TATDN2: variants seen among roughly 807,000 people sequenced by gnomAD.
TATDN2 encodes 3'-5' RNA nuclease TATDN2.
TATDN2 carries 44 observed loss-of-function variants against 60.3 expected under a neutral mutation model. The ratio of observed to expected loss-of-function variants is 0.73; its 90% CI spans 0.57 to 0.94. TATDN2 has a LOEUF of 0.94. Among genes scored for constraint, TATDN2 ranks in the 40% least tolerant of loss-of-function variants. The probability of loss-of-function intolerance (pLI) is 0.00; values close to 1 mark genes in which losing one functional copy is unlikely to be tolerated. For missense variants in TATDN2, 997 were observed against 948.0 expected (o/e 1.05, Z -0.68); for synonymous variants, 399 against 355.8 (o/e 1.12, Z -1.37).
At position 10,270,768 on chromosome 3, in the gene TATDN2, A is replaced by G; in HGVS notation, c.1586A>G (p.Glu529Gly). Residue 529 changes from glutamate to glycine, a missense_variant, in exon 4 of 8, where the codon GAA becomes GGA. By Grantham distance (98) the Glu-to-Gly change is moderately conservative. Transcript: ENST00000448281. ...ATTTACAGCAGCTCCTTCCCTAAGGAATTTCAGGGCTGCATCTCTGACTTC... is the reference window on the plus strand; with the variant it reads ...ATTTACAGCAGCTCCTTCCCTAAGGGATTTCAGGGCTGCATCTCTGACTTC... ...RKIYSSSFPK[E>G]FQGCISDFCD... 6.2e-7 allele frequency: 1 copy of G among 1,614,190 alleles called. No individual in the cohort carries two copies. The highest frequency in any genetic ancestry group is 1.1e-5 in the South Asian group (1 of 91,074).
intron 3 of TATDN2, among the ~76,000 whole-genome samples, chr3:10,266,578 T>G (rs1698477067): frequency 6.6e-6 from 1 of 152,228 alleles, no homozygotes; most frequent in Non-Finnish European, 1.5e-5. Flanking sequence ...ATGTTACCAC[T>G]TGTAAAAAGC....
chr3:10,266,929 G>GTTTTTTTTTT (rs1559462593), intron 3 of TATDN2, among the ~76,000 whole-genome samples: 26 of 100,340 alleles, frequency 2.6e-4, no homozygotes, highest in South Asian at 4.9e-4. Context: ...AACTAAGGCA[G>GTTTTTTTTTT]TCTTTTTTTT....
intron 4 of TATDN2, among the ~76,000 whole-genome samples, chr3:10,275,749 AAAAC>A (rs1455124749): frequency 9.7e-6 from 1 of 103,246 alleles, no homozygotes; most frequent in Non-Finnish European, 2.5e-5. Context: ...CGGTCTCAAA[AAAAC>A]AAAACAAAAC....
In TATDN2 at chr3:10,249,360, C is replaced by T. The variant is rs747572722; in HGVS notation, c.160C>T (p.Arg54Cys). The T allele has an allele frequency of 1.2e-6, 2 of 1,612,608 alleles. No individual in the cohort carries two copies. Among genetic ancestry groups the T allele is most frequent in the South Asian group, 2.2e-5 (2 of 90,912 alleles). The change falls in exon 2 of 8, where the codon CGC becomes TGC. Residue 54 changes from arginine (R) to cysteine (C), a missense_variant. By Grantham distance (180) the Arg-to-Cys change is radical. Transcript: ENST00000448281. ...SRSGGPSSPKRLKAQKEDDVA... is the reference protein window; with the variant it reads ...SRSGGPSSPKCLKAQKEDDVA... Reference sequence around the variant, plus strand: ...TTCTGGAGGGCCCAGCAGCCCCAAGCGCCTGAAAGCCCAGAAGGAGGACGA... The same window carrying T: ...TTCTGGAGGGCCCAGCAGCCCCAAGTGCCTGAAAGCCCAGAAGGAGGACGA...
chr3:10,277,771 T>C (rs1426960903), intron 5 of TATDN2, among the ~76,000 whole-genome samples: 1 of 152,140 alleles, frequency 6.6e-6, no homozygotes, highest in African/African-American at 2.4e-5. Flanking sequence ...AACGAGGTGG[T>C]ATTGCAGGAG....
At chr3:10,251,624 G>A (rs897007431) in intron 2 of TATDN2, among the ~76,000 whole-genome samples, 12 of 151,950 alleles carry the variant, frequency 7.9e-5, no homozygotes, top group Admixed American at 1.3e-4. Flanking sequence ...GACTGCAAGT[G>A]ATCTGACCGC....
chr3:10,270,915 A>G lies in TATDN2; in HGVS notation c.1733A>G (p.Asn578Ser), dbSNP rs115264168. The stretch of plus-strand genomic sequence containing the variant: ...TACTACAGTGAGAGTCAAGAAAGAA[A>G]TCTTTTGCAAGCCTTAAGGCACCCT... ...ARYYSESQER[N>S]LLQALRHPKA... Residue 578 changes from asparagine (N) to serine (S), a missense_variant, in exon 4 of 8, where the codon AAT becomes AGT. By Grantham distance (46) the Asn-to-Ser change is conservative. Coordinates refer to ENST00000448281, the MANE Select transcript of TATDN2 (RefSeq NM_014760.4). The G allele has an allele frequency of 1.3e-3, 2,175 of 1,614,198 alleles. 1 individual carries two copies. The highest frequency in any genetic ancestry group is 1.7e-3 in the Non-Finnish European group (1,978 of 1,180,040).
Position 10,279,026 on chromosome 3 carries a change from G to A in TATDN2, c.*1G>A, listed in dbSNP as rs1576019507. Reference sequence around the variant, plus strand: ...CACCAGTCGCCTCTACAGTCTTTAAGCAGAGAAGGTACAGTCCTCGGGAGT... The same window carrying A: ...CACCAGTCGCCTCTACAGTCTTTAAACAGAGAAGGTACAGTCCTCGGGAGT... On this transcript the variant is annotated 3_prime_UTR_variant, in exon 7 of 8. Coordinates refer to ENST00000448281, the MANE Select transcript of TATDN2 (RefSeq NM_014760.4). 1 of 1,614,160 alleles carries A rather than the reference G, an allele frequency of 6.2e-7. No individual in the cohort carries two copies. Among genetic ancestry groups the A allele is most frequent in the Middle Eastern group, 1.6e-4 (1 of 6,062 alleles).
Position 10,260,453 on chromosome 3 carries a change from C to T in TATDN2, c.731C>T (p.Thr244Ile). The T allele has an allele frequency of 6.2e-7, 1 of 1,614,082 alleles. No individual in the cohort carries two copies. Among genetic ancestry groups the T allele is most frequent in the Non-Finnish European group, 8.5e-7 (1 of 1,179,940 alleles). ...GGAGCAGCCAGGAGTGTCACAGTCACTGCTGCTCAGAAGGAGAAAGACGCA... is the reference window on the plus strand; with the variant it reads ...GGAGCAGCCAGGAGTGTCACAGTCATTGCTGCTCAGAAGGAGAAAGACGCA... ...AEGAARSVTV[T>I]AAQKEKDATP... The change falls in exon 3 of 8, where the codon ACT becomes ATT. Residue 244 changes from threonine to isoleucine, a missense_variant. Coordinates refer to ENST00000448281, the MANE Select transcript of TATDN2 (RefSeq NM_014760.4).
chr3:10,260,745 C>T (rs1429505613), intron 3 of TATDN2, 75 bp downstream of exon 3: 34 of 1,503,014 alleles, frequency 2.3e-5, no homozygotes, highest in Non-Finnish European at 2.9e-5. Context: ...CTAGTTTGAT[C>T]CTAAGTGTTA....
In TATDN2 at chr3:10,260,160, T is replaced by C. The variant is rs552586975; in HGVS notation, c.438T>C (p.His146=). The C allele has an allele frequency of 3.1e-4, 496 of 1,612,906 alleles. 7 individuals are homozygous for C. The South Asian group carries it at 4.3e-3, about 14-fold the overall frequency. The change falls in exon 3 of 8, where the codon CAT becomes CAC. Residue 146 remains histidine (H), a synonymous_variant. Transcript: ENST00000448281. ...SLKVDSKDSS[H]NSTNSEFAAE... ...AGGTTGATTCCAAAGATAGTTCTCA[T>C]AACTCCACAAACTCTGAATTTGCAG...
intron 2 of TATDN2, among the ~76,000 whole-genome samples, chr3:10,257,302 A>G (rs1326915502): frequency 6.8e-6 from 1 of 147,768 alleles, no homozygotes; most frequent in Non-Finnish European, 1.5e-5. Flanking sequence ...AATTATATAT[A>G]TATATATATA....
chr3:10,259,730 C>T (rs1359221459), intron 2 of TATDN2, among the ~76,000 whole-genome samples: 1 of 152,196 alleles, frequency 6.6e-6, no homozygotes, highest in Non-Finnish European at 1.5e-5. Context: ...TAGCCCTTCC[C>T]CTCACTGGGT....
intron 2 of TATDN2, among the ~76,000 whole-genome samples, chr3:10,253,009 A>C (rs1305797364): frequency 1.3e-5 from 2 of 152,020 alleles, no homozygotes; most frequent in Admixed American, 1.3e-4. Context: ...GGTGCACGCC[A>C]CCATGTCCGG....
At position 10,276,527 on chromosome 3, in the gene TATDN2, C is replaced by T. The variant is rs775300412; in HGVS notation, c.1961+39C>T. Reference sequence around the variant, plus strand: ...AACTTCAGCGGGCAAATGAAAGAAACACTTCCTCTGTCAAGTTGATGAGGA... The same window carrying T: ...AACTTCAGCGGGCAAATGAAAGAAATACTTCCTCTGTCAAGTTGATGAGGA... On this transcript the variant is annotated intron_variant, in intron 5 of 7. Coordinates refer to ENST00000448281, the MANE Select transcript of TATDN2 (RefSeq NM_014760.4). 5 of 1,599,866 alleles carry T rather than the reference C, an allele frequency of 3.1e-6. No individual in the cohort carries two copies. The East Asian group carries it at 1.1e-4, about 36-fold the overall frequency.
chr3:10,273,442 A>G (rs888442275), intron 4 of TATDN2, among the ~76,000 whole-genome samples: 2 of 152,148 alleles, frequency 1.3e-5, no homozygotes, highest in Non-Finnish European at 2.9e-5. Context: ...TGAATGTTTT[A>G]TCTTGTGAAG....
At position 10,267,610 on chromosome 3, in the gene TATDN2, T is replaced by C. The variant is rs191548387; in HGVS notation, c.949-2521T>C. On this transcript the variant is annotated intron_variant, in intron 3 of 7. Coordinates refer to ENST00000448281, the MANE Select transcript of TATDN2 (RefSeq NM_014760.4). ...ATTTGTTGTAAAAAATGGGGTCATA[T>C]GTCTCGTTTTTGCTGATGAGAATAT... 3.6e-3 allele frequency among the ~76,000 whole-genome samples: 550 copies of C among 152,342 alleles called. 2 individuals carry two copies. Among genetic ancestry groups the C allele is most frequent in the Non-Finnish European group, 5.2e-3 (354 of 68,030 alleles).
At chr3:10,255,032 T>TCCCCCG (rs1488586574) in intron 2 of TATDN2, among the ~76,000 whole-genome samples, 2 of 12,488 alleles carry the variant, frequency 1.6e-4, no homozygotes, top group East Asian at 6.7e-3. Flanking sequence ...CCCCTCCCCC[T>TCCCCCG]CCCTCCTTTC....
intron 2 of TATDN2, among the ~76,000 whole-genome samples, chr3:10,252,594 C>G (rs967174982): frequency 1.3e-5 from 2 of 152,090 alleles, no homozygotes; most frequent in Non-Finnish European, 2.9e-5. Flanking sequence ...GTCCTAAGTC[C>G]TTCAGCAAGC....
Sources: gnomAD v4.1 joint callset for allele counts (sites outside exome capture counted in the v4.1 genomes callset) on GRCh38, gnomAD v4.1.1 for gene constraint, MANE v1.5 for transcripts, NCBI Gene and HGNC (gene_info 2026-07-23, HGNC 2026-07-21) for gene names.